The following SERINC5 variants were observed in gnomAD, a reference collection of about 807,000 sequenced individuals.
SERINC5 encodes the protein chromosome 5 open reading frame 12.
In SERINC5, 41 loss-of-function variants were observed where a neutral mutation model predicts 63.1. That is an observed-to-expected ratio of 0.65 (90% confidence interval 0.51 to 0.84). The LOEUF (loss-of-function observed/expected upper bound fraction) is 0.84. SERINC5 is among the 40% of genes least tolerant of loss of function. SERINC5 has a pLI of 0.00. For synonymous variants in SERINC5, 222 were observed against 215.2 expected, an observed-to-expected ratio of 1.03 and a Z score of -0.28; for missense variants, 523 against 573.0, an observed-to-expected ratio of 0.91 and a Z score of 0.89.
chr5:80,130,067 T>C (rs1202230063), intron 11 of SERINC5, among the ~76,000 whole-genome samples: 1 of 152,162 alleles, frequency 6.6e-6, no homozygotes, highest in African/African-American at 2.4e-5. Context: ...TGTTTTTCTA[T>C]TATATTCTTA....
At position 80,143,490 on chromosome 5, in the gene SERINC5, T is replaced by C. The variant is rs13362035; in HGVS notation, c.*173A>G. 0.11 allele frequency: 154,226 copies of C among 1,355,638 alleles called. 9,876 individuals carry two copies. Among genetic ancestry groups the C allele is most frequent in the East Asian group, 0.28 (10,532 of 37,370 alleles). 84.0% of individuals were successfully genotyped at this position (1,355,638 alleles called of 1,614,324 possible). A position where few individuals can be genotyped will look rare whatever the true frequency, so the allele number is the denominator to read the frequency against. Reference sequence around the variant, plus strand: ...ATTCCTTTGGGACAAACTGGTAGTTTCTTTTTGAATTTCAAAAGTAAAAAG... The same window carrying C: ...ATTCCTTTGGGACAAACTGGTAGTTCCTTTTTGAATTTCAAAAGTAAAAAG... On this transcript the variant is annotated 3_prime_UTR_variant, in exon 12 of 12. Transcript: ENST00000507668.
At chr5:80,132,054 T>C (rs1267986278) in intron 11 of SERINC5, among the ~76,000 whole-genome samples, 1 of 152,132 alleles carries the variant, frequency 6.6e-6, no homozygotes, top group Non-Finnish European at 1.5e-5. Context: ...TGCCAGCCCC[T>C]AGCTTTCAAG....
chr5:80,173,637 T>C (rs920567545), intron 5 of SERINC5, among the ~76,000 whole-genome samples: 1 of 151,818 alleles, frequency 6.6e-6, no homozygotes, highest in Admixed American at 6.6e-5. Context: ...AGAACTGTGG[T>C]CACTCTGGAA....
chr5:80,136,055 G>A (rs1745156731), downstream of SERINC5, among the ~76,000 whole-genome samples: 1 of 152,024 alleles, frequency 6.6e-6, no homozygotes, highest in Admixed American at 6.6e-5. Flanking sequence ...TCCTACTACT[G>A]AACTGTACAC....
At chr5:80,177,251 C>G in intron 4 of SERINC5, 64 bp downstream of exon 4, 8 of 1,202,942 alleles carry the variant, frequency 6.7e-6, no homozygotes, top group African/African-American at 1.5e-5. Flanking sequence ...GACTGCGCTT[C>G]TGAGCAATTT....
intron 7 of SERINC5, among the ~76,000 whole-genome samples, chr5:80,160,221 T>G (rs1446276412): frequency 1.3e-5 from 2 of 152,142 alleles, no homozygotes; most frequent in Non-Finnish European, 2.9e-5. Context: ...TGGGGAGAAA[T>G]CTCCACTTAT....
intron 3 of SERINC5, 123 bp from the exon 4 acceptor site, chr5:80,177,520 A>C (rs1383693793): frequency 2.6e-6 from 2 of 757,540 alleles, no homozygotes; most frequent in Non-Finnish European, 4.4e-6. Context: ...TTCTCTCCTA[A>C]TCAAGGGGAA....
intron 5 of SERINC5, among the ~76,000 whole-genome samples, chr5:80,173,317 C>T (rs1233901696): frequency 2.6e-5 from 4 of 151,850 alleles, no homozygotes; most frequent in Admixed American, 6.6e-5. Context: ...GAAAAGAAGC[C>T]GGGTGCAGTG....
At chr5:80,240,546 G>A (rs958510547) in intron 1 of SERINC5, among the ~76,000 whole-genome samples, 9 of 152,166 alleles carry the variant, frequency 5.9e-5, no homozygotes, top group African/African-American at 1.9e-4. Flanking sequence ...GTAATTTTTA[G>A]AATGCGTATG....
At position 80,205,940 on chromosome 5, in the gene SERINC5, C is replaced by CA. The variant is rs1410289478; in HGVS notation, c.28-2888dup. Among the ~76,000 whole-genome samples the CA allele has an allele frequency of 1.6e-4, 11 of 68,434 alleles. No individual in the cohort carries two copies. In the South Asian group the frequency reaches 2.8e-3, roughly 17 times the overall value. The allele number at this position is 68,434 out of a possible 152,430, so 44.9% of individuals were successfully genotyped here. ...CAAAACAAAACAAAACAAAACAAAA[C>CA]AAAAAACAAAATATTAGCCGGGTGT... On this transcript the variant is annotated intron_variant, in intron 1 of 11. Coordinates refer to ENST00000507668, the MANE Select transcript of SERINC5 (RefSeq NM_001174072.3).
In SERINC5 at chr5:80,177,424, A is replaced by T. The variant is rs180882499; in HGVS notation, c.375-27T>A. The T allele has an allele frequency of 1.8e-4, 282 of 1,543,984 alleles. 2 individuals are homozygous for T. The East Asian group carries it at 5.4e-3, about 30-fold the overall frequency. On this transcript the variant is annotated intron_variant, in intron 3 of 11. Coordinates refer to ENST00000507668, the MANE Select transcript of SERINC5 (RefSeq NM_001174072.3). Reference sequence around the variant, plus strand: ...TAGAAGTGGGGGGAAAAAAAAGAGGAAATGTATTTAAATGACATTCAAGAA... The same window carrying T: ...TAGAAGTGGGGGGAAAAAAAAGAGGTAATGTATTTAAATGACATTCAAGAA...
At chr5:80,223,848 G>A (rs975967420) in intron 1 of SERINC5, among the ~76,000 whole-genome samples, 7 of 152,038 alleles carry the variant, frequency 4.6e-5, no homozygotes, top group African/African-American at 1.4e-4. Context: ...AAGTCAAGCC[G>A]GGCGCGGTGG....
intron 2 of SERINC5, among the ~76,000 whole-genome samples, chr5:80,178,537 ATTTTTTTTTTT>A (rs1182662594): frequency 1.3e-5 from 1 of 77,554 alleles, no homozygotes; most frequent in Non-Finnish European, 2.4e-5. Flanking sequence ...TAATTTTTGT[ATTTTTTTTTTT>A]TTTTTTTTTT....
rs540491772 is a variant in SERINC5 at position 80,241,872 on chromosome 5, C to T, written c.27+14024G>A. Among the ~76,000 whole-genome samples, 116 of 152,160 alleles carry T rather than the reference C, an allele frequency of 7.6e-4. 1 individual carries two copies. Among genetic ancestry groups the T allele is most frequent in the African/African-American group, 2.8e-3 (116 of 41,508 alleles). On this transcript the variant is annotated intron_variant, in intron 1 of 11. Transcript: ENST00000507668. ...GTACAATGGCTCACACATGTAATCCCAGCACTTTGGGAGGCCAAGGCAGGA... is the reference window on the plus strand; with the variant it reads ...GTACAATGGCTCACACATGTAATCCTAGCACTTTGGGAGGCCAAGGCAGGA...
intron 5 of SERINC5, among the ~76,000 whole-genome samples, chr5:80,173,041 A>G (rs1006798437): frequency 1.3e-5 from 2 of 152,004 alleles, no homozygotes; most frequent in Admixed American, 1.3e-4. Flanking sequence ...CCTGATATTG[A>G]CACCCCCATT....
chr5:80,184,636 G>A (rs1357446656), intron 2 of SERINC5, among the ~76,000 whole-genome samples: 2 of 152,130 alleles, frequency 1.3e-5, no homozygotes, highest in African/African-American at 4.8e-5. Context: ...TCAGTATGTG[G>A]TAAGTATTTT....
chr5:80,198,411 A>G, intron 2 of SERINC5: 2 of 485,196 alleles, frequency 4.1e-6, no homozygotes, highest in Non-Finnish European at 5.4e-6. Flanking sequence ...CTCTTACTCA[A>G]ACTTAAACAC....
chr5:80,220,770 A>T (rs969148144), intron 1 of SERINC5, among the ~76,000 whole-genome samples: 12 of 151,970 alleles, frequency 7.9e-5, no homozygotes, highest in Non-Finnish European at 1.8e-4. Context: ...GGAGGGGGGC[A>T]ATCAAGTAGT....
intron 1 of SERINC5, among the ~76,000 whole-genome samples, chr5:80,240,899 C>T (rs565052479): frequency 1.3e-3 from 201 of 152,268 alleles, no homozygotes; most frequent in African/African-American, 4.7e-3. Context: ...TCTTGAACTC[C>T]TGGGCTCAAG....
Sources: gnomAD v4.1 joint callset for allele counts (sites outside exome capture counted in the v4.1 genomes callset) on GRCh38, gnomAD v4.1.1 for gene constraint, MANE v1.5 for transcripts, NCBI Gene and HGNC (gene_info 2026-07-23, HGNC 2026-07-21) for gene names.